GRXCR1: variants seen among roughly 807,000 people sequenced by gnomAD.
GRXCR1 encodes glutaredoxin and cysteine rich domain containing 1.
Under a neutral mutation model 27.3 loss-of-function variants are expected in GRXCR1, and 27 were observed. That is an observed-to-expected ratio of 0.99 (90% CI 0.73 to 1.37). GRXCR1 has a LOEUF of 1.37. Ranked by LOEUF, GRXCR1 falls within the 40% of genes most tolerant of loss-of-function variation. GRXCR1 has a pLI of 0.00. For missense variants in GRXCR1, 379 were observed against 354.4 expected, an observed-to-expected ratio of 1.07 and a Z score of -0.56; for synonymous variants, 122 against 131.1, an observed-to-expected ratio of 0.93 and a Z score of 0.47.
intron 1 of GRXCR1, among the ~76,000 whole-genome samples, chr4:42,944,476 T>C (rs1747697636): frequency 6.6e-6 from 1 of 152,112 alleles, no homozygotes; most frequent in African/African-American, 2.4e-5. Context: ...TGCCAGTAAT[T>C]AATAACAGCC....
At chr4:42,949,643 G>A (rs555160205) in intron 1 of GRXCR1, among the ~76,000 whole-genome samples, 3 of 152,166 alleles carry the variant, frequency 2.0e-5, no homozygotes, top group South Asian at 2.1e-4. Flanking sequence ...TAAAGGACTC[G>A]CTATTTATAA....
intron 1 of GRXCR1, among the ~76,000 whole-genome samples, chr4:42,939,596 G>A (rs1747559595): frequency 1.3e-5 from 2 of 152,126 alleles, no homozygotes; most frequent in South Asian, 4.2e-4. Context: ...TAGAGGAAAG[G>A]TTTCCCTCTA....
At chr4:42,992,282 ATAAC>A (rs1711997182) in intron 2 of GRXCR1, among the ~76,000 whole-genome samples, 1 of 152,156 alleles carries the variant, frequency 6.6e-6, no homozygotes, top group Admixed American at 6.5e-5. Flanking sequence ...AGAAAGCTGG[ATAAC>A]TTAGTATGGT....
At chr4:42,939,075 T>G (rs115900981) in intron 1 of GRXCR1, among the ~76,000 whole-genome samples, 2,684 of 152,216 alleles carry the variant, frequency 0.018, 49 homozygotes, top group African/African-American at 0.048. Flanking sequence ...GGCATTGCAC[T>G]GTATCTATAG....
Position 42,974,958 on chromosome 4 carries a change from C to T in GRXCR1, c.627+11824C>T, listed in dbSNP as rs142774474. 1.8e-3 allele frequency among the ~76,000 whole-genome samples: 280 copies of T among 152,178 alleles called. 1 individual carries two copies. Among genetic ancestry groups the T allele is most frequent in the African/African-American group, 6.6e-3 (275 of 41,542 alleles). ...ATTGCCACAAGTCTGTTCTGTTTGTCTTATGATCTCTGTTTTAACATTAAA... is the reference window on the plus strand; with the variant it reads ...ATTGCCACAAGTCTGTTCTGTTTGTTTTATGATCTCTGTTTTAACATTAAA... On this transcript the variant is annotated intron_variant, in intron 2 of 3. Transcript: ENST00000399770.
At chr4:42,932,613 TATATATAGAGAGAGAGAGAG>T (rs1168319544) in intron 1 of GRXCR1, among the ~76,000 whole-genome samples, 45 of 39,304 alleles carry the variant, frequency 1.1e-3, no homozygotes, top group Admixed American at 2.8e-3. Flanking sequence ...TATATATATA[TATATATAGAGAGAGAGAGAG>T]AGAGAGAGAG....
chr4:42,935,670 C>T (rs1028812642), intron 1 of GRXCR1, among the ~76,000 whole-genome samples: 25 of 151,840 alleles, frequency 1.6e-4, no homozygotes, highest in African/African-American at 5.5e-4. Context: ...GAGTGTACAA[C>T]GAAGGATAAA....
intron 3 of GRXCR1, 77 bp downstream of exon 3, chr4:43,020,496 T>C: frequency 1.1e-6 from 1 of 903,806 alleles, no homozygotes; most frequent in Non-Finnish European, 1.8e-6. Flanking sequence ...GTTTTCCTAA[T>C]TGAATTCTCT....
intron 2 of GRXCR1, among the ~76,000 whole-genome samples, chr4:42,978,646 T>A (rs995760699): frequency 9.2e-5 from 14 of 152,244 alleles, no homozygotes; most frequent in Middle Eastern, 3.4e-3. Context: ...ATGTTGATTT[T>A]GTATTTCATA....
chr4:43,003,723 C>A (rs1712460385), intron 2 of GRXCR1, among the ~76,000 whole-genome samples: 1 of 152,134 alleles, frequency 6.6e-6, no homozygotes, highest in Admixed American at 6.5e-5. Flanking sequence ...AATTTCTAAG[C>A]AGCAAAGCAT....
chr4:42,911,036 C>T (rs150811341), intron 1 of GRXCR1, among the ~76,000 whole-genome samples: 1 of 152,270 alleles, frequency 6.6e-6, no homozygotes, highest in Non-Finnish European at 1.5e-5. Flanking sequence ...GTAACTCTAA[C>T]ACAGAAATCT....
chr4:42,956,617 T>C (rs1354486150), intron 1 of GRXCR1, among the ~76,000 whole-genome samples: 2 of 152,260 alleles, frequency 1.3e-5, no homozygotes, highest in South Asian at 2.1e-4. Context: ...TACTGAATAG[T>C]GTATTTTAAT....
chr4:42,937,267 T>C (rs530933000), intron 1 of GRXCR1, among the ~76,000 whole-genome samples: 2 of 70,698 alleles, frequency 2.8e-5, no homozygotes, highest in African/African-American at 5.3e-5. Context: ...CATACTCATA[T>C]TGAGGTCTTT....
intron 2 of GRXCR1, among the ~76,000 whole-genome samples, chr4:43,005,004 A>T (rs1426959751): frequency 6.6e-6 from 1 of 152,168 alleles, no homozygotes; most frequent in East Asian, 1.9e-4. Context: ...ATCTCATATC[A>T]AATTGTAATC....
At chr4:42,982,128 A>C (rs922611920) in intron 2 of GRXCR1, among the ~76,000 whole-genome samples, 1 of 151,492 alleles carries the variant, frequency 6.6e-6, no homozygotes, top group Non-Finnish European at 1.5e-5. Context: ...ATATGTATAC[A>C]TGTGCCATGC....
intron 1 of GRXCR1, among the ~76,000 whole-genome samples, chr4:42,960,899 T>C (rs575014733): frequency 6.6e-6 from 1 of 152,022 alleles, no homozygotes; most frequent in East Asian, 1.9e-4. Context: ...GTTTGTTATG[T>C]AGGTAAATGT....
chr4:42,959,155 A>G (rs2109773070), intron 1 of GRXCR1, among the ~76,000 whole-genome samples: 1 of 152,116 alleles, frequency 6.6e-6, no homozygotes, highest in South Asian at 2.1e-4. Context: ...TACAATTGCC[A>G]AGATATAGGT....
intron 2 of GRXCR1, among the ~76,000 whole-genome samples, chr4:43,006,471 T>TC (rs529127042): frequency 8.1e-4 from 123 of 152,106 alleles, no homozygotes; most frequent in African/African-American, 2.7e-3. Flanking sequence ...TATAAACAGC[T>TC]CCCCCAGGTG....
chr4:42,991,871 G>A (rs56375325), intron 2 of GRXCR1, among the ~76,000 whole-genome samples: 30,285 of 151,940 alleles, frequency 0.2, 3,734 homozygotes, highest in Middle Eastern at 0.29. Flanking sequence ...CTGCACAGAG[G>A]GGTTTCATTA....
Sources: gnomAD v4.1 joint callset for allele counts (sites outside exome capture counted in the v4.1 genomes callset) on GRCh38, gnomAD v4.1.1 for gene constraint, MANE v1.5 for transcripts, NCBI Gene and HGNC (gene_info 2026-07-23, HGNC 2026-07-21) for gene names.